The following ADAMTS4 variants were observed in gnomAD, a reference collection of about 807,000 sequenced individuals.
ADAMTS4 encodes A disintegrin and metalloproteinase with thrombospondin motifs 4.
Under a neutral mutation model 66.7 loss-of-function variants are expected in ADAMTS4, and 38 were observed. The observed-to-expected ratio is 0.57, with a 90% CI of 0.44 to 0.75. The LOEUF is 0.75. Among genes scored for constraint, ADAMTS4 ranks in the 30% least tolerant of loss-of-function variants. The probability of loss-of-function intolerance (pLI) is 0.00; values close to 1 mark genes in which losing one functional copy is unlikely to be tolerated. For synonymous variants in ADAMTS4, 418 were observed against 461.5 expected, an observed-to-expected ratio of 0.91 and a Z score of 1.21; for missense variants, 1,014 against 1,116.7, an observed-to-expected ratio of 0.91 and a Z score of 1.31.
Position 161,192,055 on chromosome 1 carries a change from G to T in ADAMTS4, c.2087+10C>A, listed in dbSNP as rs759219047. The T allele has an allele frequency of 5.0e-6, 8 of 1,613,270 alleles. No individual in the cohort carries two copies. Among genetic ancestry groups the T allele is most frequent in the Non-Finnish European group, 5.9e-6 (7 of 1,179,496 alleles). On this transcript the variant is annotated intron_variant, in intron 8 of 8. Coordinates refer to ENST00000367996, the MANE Select transcript of ADAMTS4 (RefSeq NM_005099.6). ...CAGGAAGGTAGAGGGAGGAATGATG[G>T]TGAAAGAACCTGAATTTCCTGAAGG...
intron 1 of ADAMTS4, 28 bp downstream of exon 1, chr1:161,197,967 G>T: frequency 6.5e-7 from 1 of 1,533,116 alleles, no homozygotes; most frequent in Non-Finnish European, 8.8e-7. Context: ...GGAGGACACC[G>T]CAGGACACAG....
rs1035660021 is a variant in ADAMTS4, at chr1:161,189,799, T to C, written c.*1339A>G. The C allele has an allele frequency of 4.6e-5, 7 of 152,164 alleles. No homozygotes were observed. The highest frequency in any genetic ancestry group is 1.0e-4 in the Non-Finnish European group (7 of 68,034). 9.4% of individuals were successfully genotyped at this position (152,164 alleles called of 1,614,324 possible). A position where few individuals can be genotyped will look rare whatever the true frequency, so the allele number is the denominator to read the frequency against. Reference sequence around the variant, plus strand: ...CATTATTTAATCCTCACAACAAACTTCTAAGGGAGGTATTATTATTGGCAA... The same window carrying C: ...CATTATTTAATCCTCACAACAAACTCCTAAGGGAGGTATTATTATTGGCAA... On this transcript the variant is annotated 3_prime_UTR_variant, in exon 9 of 9. Coordinates refer to ENST00000367996, the MANE Select transcript of ADAMTS4 (RefSeq NM_005099.6).
intron 8 of ADAMTS4, 95 bp downstream of exon 8, chr1:161,191,970 G>A (rs1360172908): frequency 2.1e-6 from 3 of 1,395,644 alleles, no homozygotes; most frequent in Non-Finnish European, 3.0e-6. Context: ...TAGACTGTGA[G>A]CTCTTTGAGA....
Position 161,198,769 on chromosome 1 carries a change from G to A in ADAMTS4, c.-142C>T, listed in dbSNP as rs1027963668. 1.0e-5 allele frequency: 8 copies of A among 764,538 alleles called. No homozygotes were observed. Among genetic ancestry groups the A allele is most frequent in the Non-Finnish European group, 1.4e-5 (7 of 497,864 alleles). 47.4% of individuals were successfully genotyped at this position (764,538 alleles called of 1,614,324 possible). A position where few individuals can be genotyped will look rare whatever the true frequency, so the allele number is the denominator to read the frequency against. ...GAGGCAAAGTTTTCAGAAGGGCTGA[G>A]GACCGTTAAAGGAAATGGAGAAAAC... On this transcript the variant is annotated 5_prime_UTR_variant, in exon 1 of 9. Transcript: ENST00000367996. The surrounding 1 kb of genome is among the most constrained non-coding windows in gnomAD (Gnocchi z 4.7).
chr1:161,193,976 C>G lies in ADAMTS4; in HGVS notation c.1507G>C (p.Gly503Arg). The G allele has an allele frequency of 6.3e-7, 1 of 1,599,742 alleles. No individual in the cohort carries two copies. Among genetic ancestry groups the G allele is most frequent in the Non-Finnish European group, 8.5e-7 (1 of 1,169,858 alleles). ...TGGTCCATGTGGAGGCAGCGACCAC[C>G]CATGCAGGCCTGTGCGGGCCCGCAG... Reference protein sequence around the residue: ...TPCGPAQACMGGRCLHMDQLQ... With the variant: ...TPCGPAQACMRGRCLHMDQLQ... The change falls in exon 5 of 9, where the codon GGT becomes CGT. Residue 503 changes from glycine (G) to arginine (R), a missense_variant. Coordinates refer to ENST00000367996, the MANE Select transcript of ADAMTS4 (RefSeq NM_005099.6). The surrounding 1 kb of genome is among the most constrained non-coding windows in gnomAD (Gnocchi z 4.4).
At position 161,191,214 on chromosome 1, in the gene ADAMTS4, G is replaced by A. The variant is rs755682745; in HGVS notation, c.2438C>T (p.Thr813Ile). 6.5e-5 allele frequency: 105 copies of A among 1,611,178 alleles called. No individual in the cohort carries two copies. The highest frequency in any genetic ancestry group is 8.3e-5 in the Non-Finnish European group (98 of 1,178,158). The change falls in exon 9 of 9, where the codon ACT becomes ATT. Residue 813 changes from threonine (T) to isoleucine (I), a missense_variant. Transcript: ENST00000367996. The stretch of plus-strand genomic sequence containing the variant: ...TCTTCGGTGCAGCCAGTCCTGGGGA[G>A]TGGGGCGTGGCGTTGAAGGGGTCGG... ...PRPTPSTPRPTPQDWLHRRAQ... is the reference protein window; with the variant it reads ...PRPTPSTPRPIPQDWLHRRAQ...
chr1:161,195,745 C>T, intron 3 of ADAMTS4, 110 bp from the exon 4 acceptor site: 1 of 1,075,664 alleles, frequency 9.3e-7, no homozygotes, highest in South Asian at 1.6e-5. Flanking sequence ...TTACCCACCT[C>T]ACCCTGCCCC....
chr1:161,198,400 G>A lies in ADAMTS4; in HGVS notation c.228C>T (p.Gly76=), dbSNP rs534087712. ...AGCGGCACAACAGCCTGGCAGGGGC[G>A]CCCGAGCCAGGCAGGACGCTGCCGT... ...KLNGSVLPGS[G]APARLLCRLQ... The change falls in exon 1 of 9, where the codon GGC becomes GGT. Residue 76 remains glycine, a synonymous_variant. Coordinates refer to ENST00000367996, the MANE Select transcript of ADAMTS4 (RefSeq NM_005099.6). This position sits in a 1 kb window ranked among gnomAD's most constrained non-coding sequence, Gnocchi z 4.7. 263 of 1,607,636 alleles carry A rather than the reference G, an allele frequency of 1.6e-4. No individual in the cohort carries two copies. The South Asian group carries it at 2.7e-3, about 16-fold the overall frequency.
intron 7 of ADAMTS4, among the ~76,000 whole-genome samples, chr1:161,192,742 G>T (rs1664712361): frequency 6.6e-6 from 1 of 152,158 alleles, no homozygotes; most frequent in African/African-American, 2.4e-5. Context: ...AAATGCTGCT[G>T]GGGCTTGTTT....
chr1:161,198,508 T>C lies in ADAMTS4; in HGVS notation c.120A>G (p.Leu40=), dbSNP rs372126327. ...PLSWLVWLLL[L]LLASLLPSAR... ...CTGAGGGCAGGAGAGAGGCCAGCAG[T>C]AGCAGAAGCAGCCACACCAGCCAGG... is the stretch of plus-strand genomic sequence containing the variant. The change falls in exon 1 of 9, where the codon CTA becomes CTG. Residue 40 remains leucine, a synonymous_variant. Transcript: ENST00000367996. The surrounding 1 kb of genome is among the most constrained non-coding windows in gnomAD (Gnocchi z 4.7). 19 of 1,566,396 alleles carry C rather than the reference T, an allele frequency of 1.2e-5. No individual in the cohort carries two copies. Among genetic ancestry groups the C allele is most frequent in the South Asian group, 8.2e-5 (7 of 85,702 alleles).
At position 161,192,212 on chromosome 1, in the gene ADAMTS4, T is replaced by C; in HGVS notation, c.1940A>G (p.Asp647Gly). ...RVVDGTPCSP[D>G]SSSVCVQGRC... ...GCCCTGGACACAGACCGAGGAGCTGTCCGGGGAACAGGGGGTCCCATCTAC... is the reference window on the plus strand; with the variant it reads ...GCCCTGGACACAGACCGAGGAGCTGCCCGGGGAACAGGGGGTCCCATCTAC... The change falls in exon 8 of 9, where the codon GAC becomes GGC. Residue 647 changes from aspartate (D) to glycine (G), a missense_variant. Coordinates refer to ENST00000367996, the MANE Select transcript of ADAMTS4 (RefSeq NM_005099.6). 6.2e-7 allele frequency: 1 copy of C among 1,613,972 alleles called. No individual in the cohort carries two copies. The highest frequency in any genetic ancestry group is 8.5e-7 in the Non-Finnish European group (1 of 1,179,952).
At chr1:161,197,966 C>A in intron 1 of ADAMTS4, 29 bp downstream of exon 1, 2 of 1,532,378 alleles carry the variant, frequency 1.3e-6, no homozygotes, top group Non-Finnish European at 1.8e-6. Context: ...GGGAGGACAC[C>A]GCAGGACACA....
At position 161,198,569 on chromosome 1, in the gene ADAMTS4, G is replaced by A; in HGVS notation, c.59C>T (p.Ala20Val). ...RGLAGRWLWG[A>V]QPCLLLPIVP... ...AATGGGGAGCAGGAGGCAGGGTTGG[G>A]CTCCCCACAGCCAGCGCCCTGCCAA... The change falls in exon 1 of 9, where the codon GCC becomes GTC. Residue 20 changes from alanine (A) to valine (V), a missense_variant. By Grantham distance (64) the Ala-to-Val change is moderately conservative. Coordinates refer to ENST00000367996, the MANE Select transcript of ADAMTS4 (RefSeq NM_005099.6). This position sits in a 1 kb window ranked among gnomAD's most constrained non-coding sequence, Gnocchi z 4.7. 6.4e-7 allele frequency: 1 copy of A among 1,554,050 alleles called. No individual in the cohort carries two copies. The highest frequency in any genetic ancestry group is 1.2e-5 in the South Asian group (1 of 83,860).
At chr1:161,196,449 A>C in intron 2 of ADAMTS4, 108 bp downstream of exon 2, 1 of 1,505,420 alleles carries the variant, frequency 6.6e-7, no homozygotes, top group Non-Finnish European at 9.0e-7. Context: ...GGCTGGGGCA[A>C]GGCACCATGT....
At position 161,188,444 on chromosome 1, in the gene ADAMTS4, A is replaced by C. The variant is rs1318096858; in HGVS notation, c.*2694T>G. 1.4e-5 allele frequency: 2 copies of C among 144,364 alleles called. No individual in the cohort carries two copies. Among genetic ancestry groups the C allele is most frequent in the Non-Finnish European group, 3.0e-5 (2 of 66,302 alleles). The allele number at this position is 144,364 out of a possible 1,614,324, so 8.9% of individuals were successfully genotyped here. ...TTTTTGGTAGAGATGGAATCTTTCT[A>C]TGTTGCCCAGGTTGGTCCCAACCTC... On this transcript the variant is annotated 3_prime_UTR_variant, in exon 9 of 9. Coordinates refer to ENST00000367996, the MANE Select transcript of ADAMTS4 (RefSeq NM_005099.6).
Position 161,194,390 on chromosome 1 carries a change from C to CT in ADAMTS4, c.1262-170dup, listed in dbSNP as rs113034418. On this transcript the variant is annotated intron_variant, in intron 4 of 8. Transcript: ENST00000367996. The surrounding 1 kb of genome is among the most constrained non-coding windows in gnomAD (Gnocchi z 4.1). The stretch of plus-strand genomic sequence containing the variant: ...TTATAATTTTTATTTTAATTACTTA[C>CT]TTTTTTTTTTTTTTCCTGAGACAGA... Among the ~76,000 whole-genome samples the CT allele has an allele frequency of 1.8e-3, 267 of 144,834 alleles. No individual in the cohort carries two copies. The highest frequency in any genetic ancestry group is 7.1e-3 in the Middle Eastern group (2 of 282).
intron 2 of ADAMTS4, 83 bp from the exon 3 acceptor site, chr1:161,196,386 G>C (rs1252137474): frequency 1.3e-6 from 2 of 1,535,696 alleles, no homozygotes; most frequent in Non-Finnish European, 1.8e-6. Flanking sequence ...CCGGGGACCT[G>C]GGCACTGAGG....
chr1:161,191,239 G>GC lies in ADAMTS4; in HGVS notation c.2412dup (p.Pro805AlafsTer97). 1 of 1,613,466 alleles carries GC rather than the reference G, an allele frequency of 6.2e-7. No homozygotes were observed. Among genetic ancestry groups the GC allele is most frequent in the East Asian group, 2.2e-5 (1 of 44,874 alleles). On this transcript the variant is annotated frameshift_variant, in exon 9 of 9. Coordinates refer to ENST00000367996, the MANE Select transcript of ADAMTS4 (RefSeq NM_005099.6). LOFTEE classifies it high-confidence loss of function. Reference sequence around the variant, plus strand: ...GTGGGGCGTGGCGTTGAAGGGGTCGGCCGGGGCACGAAGAAGCTGTATCGG... The same window carrying GC: ...GTGGGGCGTGGCGTTGAAGGGGTCGGCCCGGGGCACGAAGAAGCTGTATCGG...
Position 161,196,158 on chromosome 1 carries a change from A to G in ADAMTS4, c.1090+13T>C, listed in dbSNP as rs1292154954. The stretch of plus-strand genomic sequence containing the variant: ...CTCCTCCCTAATACCTTTCTCATCC[A>G]CCCCTACTTTACCCAGTTCATGAGC... On this transcript the variant is annotated intron_variant, in intron 3 of 8. Transcript: ENST00000367996. 1 of 1,548,462 alleles carries G rather than the reference A, an allele frequency of 6.5e-7. No homozygotes were observed.
Sources: allele counts gnomAD v4.1 joint callset (sites outside exome capture counted in the v4.1 genomes callset), GRCh38; gene constraint gnomAD v4.1.1; non-coding constraint Gnocchi (gnomAD v3.1); transcripts MANE v1.5; gene names NCBI Gene and HGNC (gene_info 2026-07-23, HGNC 2026-07-21).